PPIP5K2: variants seen among roughly 807,000 people sequenced by gnomAD.
PPIP5K2 encodes the protein inositol hexakisphosphate and diphosphoinositol-pentakisphosphate kinase 2.
PPIP5K2 carries 105 observed loss-of-function variants against 154.6 expected under a neutral mutation model. The ratio of observed to expected loss-of-function variants is 0.68; its 90% CI spans 0.58 to 0.80. PPIP5K2 has a LOEUF of 0.80. Ranked by LOEUF, PPIP5K2 falls within the 30% of genes least tolerant of loss-of-function variation. The pLI is 0.00. For synonymous variants in PPIP5K2, 480 were observed against 490.3 expected, an observed-to-expected ratio of 0.98 and a Z score of 0.28; for missense variants, 992 against 1,504.6, an observed-to-expected ratio of 0.66 and a Z score of 5.64.
chr5:103,177,051 G>A, intron 21 of PPIP5K2: 1 of 544,894 alleles, frequency 1.8e-6, no homozygotes, highest in Admixed American at 3.7e-5. Flanking sequence ...CCTGTTATAG[G>A]ATAGTATTCT....
chr5:103,149,323 T>C lies in PPIP5K2; in HGVS notation c.906+10T>C. On this transcript the variant is annotated intron_variant, in intron 8 of 30. Transcript: ENST00000358359. Reference sequence around the variant, plus strand: ...CTGCCTTGCTTTTAAGGTAAGATGTTATACAGGCCTATAGATCCTTATAAA... The same window carrying C: ...CTGCCTTGCTTTTAAGGTAAGATGTCATACAGGCCTATAGATCCTTATAAA... 1 of 1,609,922 alleles carries C rather than the reference T, an allele frequency of 6.2e-7. No individual in the cohort carries two copies. Among genetic ancestry groups the C allele is most frequent in the Non-Finnish European group, 8.5e-7 (1 of 1,177,626 alleles).
chr5:103,155,450 A>G (rs1795277192), intron 13 of PPIP5K2, among the ~76,000 whole-genome samples: 1 of 29,472 alleles, frequency 3.4e-5, no homozygotes, highest in African/African-American at 1.1e-4. Flanking sequence ...TTTTTGAGAC[A>G]GGGTCTTATT....
intron 13 of PPIP5K2, 104 bp downstream of exon 13, chr5:103,155,047 C>A: frequency 1.7e-6 from 1 of 591,874 alleles, no homozygotes; most frequent in East Asian, 3.3e-5. Context: ...GATCTTTTTA[C>A]TCTTTGTTAC....
At chr5:103,130,244 G>C (rs753850787) in intron 2 of PPIP5K2, among the ~76,000 whole-genome samples, 3 of 151,942 alleles carry the variant, frequency 2.0e-5, no homozygotes, top group Admixed American at 1.3e-4. Context: ...TTCTCTTTCT[G>C]ATATCATGTT....
chr5:103,196,163 T>G (rs561451115), intron 30 of PPIP5K2, among the ~76,000 whole-genome samples: 1 of 152,304 alleles, frequency 6.6e-6, no homozygotes, highest in East Asian at 1.9e-4. Context: ...CATTTTTTTC[T>G]ATTAAAATGT....
rs1165965536 is a variant in PPIP5K2 at position 103,204,946 on chromosome 5, G to T, written c.*3312G>T. 1 of 151,752 alleles carries T rather than the reference G, an allele frequency of 6.6e-6. No homozygotes were observed. Among genetic ancestry groups the T allele is most frequent in the Non-Finnish European group, 1.5e-5 (1 of 67,956 alleles). 9.4% of individuals were successfully genotyped at this position (151,752 alleles called of 1,614,324 possible). A position where few individuals can be genotyped will look rare whatever the true frequency, so the allele number is the denominator to read the frequency against. On this transcript the variant is annotated 3_prime_UTR_variant, in exon 31 of 31. Transcript: ENST00000358359. ...AGGTATACATGTGCCATGTTGGTTT[G>T]CTGCACCCATGAACTCATCATTTAC...
chr5:103,142,070 GC>G (rs1424445778), intron 5 of PPIP5K2, among the ~76,000 whole-genome samples: 13 of 152,210 alleles, frequency 8.5e-5, no homozygotes, highest in Non-Finnish European at 1.5e-5. Context: ...GGGACTGGGC[GC>G]CGTGGAGCAG....
chr5:103,154,864 A>C lies in PPIP5K2; in HGVS notation c.1324A>C (p.Met442Leu), dbSNP rs782615452. Reference sequence around the variant, plus strand: ...GCTAGATATTGCACGACAGCTTCTTATGGAGCTAGGGCAAAATAATGATTC... The same window carrying C: ...GCTAGATATTGCACGACAGCTTCTTCTGGAGCTAGGGCAAAATAATGATTC... Reference protein sequence around the residue: ...EVLDIARQLLMELGQNNDSEI... With the variant: ...EVLDIARQLLLELGQNNDSEI... The change falls in exon 13 of 31, where the codon ATG (methionine) becomes CTG (leucine). Residue 442 changes from methionine (M) to leucine (L), a missense_variant. Around this residue, in one of 9 missense-constraint regions of PPIP5K2, gnomAD observed 163 missense variants for 285.2 expected, o/e 0.57. Transcript: ENST00000358359. 6.2e-7 allele frequency: 1 copy of C among 1,601,962 alleles called. No individual in the cohort carries two copies. The highest frequency in any genetic ancestry group is 8.5e-7 in the Non-Finnish European group (1 of 1,175,562).
At chr5:103,131,933 A>AT (rs1790690287) in intron 2 of PPIP5K2, among the ~76,000 whole-genome samples, 1 of 152,202 alleles carries the variant, frequency 6.6e-6, no homozygotes, top group Admixed American at 6.5e-5. Flanking sequence ...CATTAAATAG[A>AT]TTTATAATAA....
chr5:103,146,079 CTT>C (rs1346202748), intron 5 of PPIP5K2, among the ~76,000 whole-genome samples: 1 of 151,910 alleles, frequency 6.6e-6, no homozygotes, highest in Non-Finnish European at 1.5e-5. Flanking sequence ...AAACAAGAAA[CTT>C]TTCTTGTCTA....
At chr5:103,154,805 A>C in intron 12 of PPIP5K2, 29 bp from the exon 13 acceptor site, 1 of 1,547,302 alleles carries the variant, frequency 6.5e-7, no homozygotes, top group Non-Finnish European at 8.7e-7. Flanking sequence ...TTACATAAAA[A>C]TTCAATTTTT....
At chr5:103,132,911 A>G (rs557817077) in intron 2 of PPIP5K2, among the ~76,000 whole-genome samples, 22 of 152,310 alleles carry the variant, frequency 1.4e-4, no homozygotes, top group African/African-American at 4.8e-4. Flanking sequence ...TTGACTATGA[A>G]GACAGGAGGG....
chr5:103,153,713 A>T (rs1794981845), intron 10 of PPIP5K2, 135 bp from the exon 11 acceptor site: 1 of 557,282 alleles, frequency 1.8e-6, no homozygotes, highest in Admixed American at 3.8e-5. Flanking sequence ...TGTTATAAGT[A>T]TTATTCTTCA....
At chr5:103,151,453 C>A in intron 9 of PPIP5K2, 79 bp downstream of exon 9, 1 of 1,223,428 alleles carries the variant, frequency 8.2e-7, no homozygotes, top group Non-Finnish European at 1.2e-6. Context: ...ATTAAATGAT[C>A]AGGGTTTTTA....
At chr5:103,125,573 C>T (rs906004629) in intron 1 of PPIP5K2, among the ~76,000 whole-genome samples, 3 of 151,836 alleles carry the variant, frequency 2.0e-5, no homozygotes, top group Non-Finnish European at 4.4e-5. Context: ...ATTCCTCTGT[C>T]CATCTTTTAT....
intron 7 of PPIP5K2, among the ~76,000 whole-genome samples, 170 bp from the exon 8 acceptor site, chr5:103,148,982 C>A (rs1794171761): frequency 6.6e-6 from 1 of 152,170 alleles, no homozygotes; most frequent in East Asian, 1.9e-4. Flanking sequence ...TACTTACAAC[C>A]TTTCCCAATG....
intron 7 of PPIP5K2, 114 bp from the exon 8 acceptor site, chr5:103,149,038 C>T: frequency 1.2e-6 from 1 of 859,578 alleles, no homozygotes; most frequent in Non-Finnish European, 1.7e-6. Flanking sequence ...GTCTACTAGC[C>T]TGGATTCTGA....
chr5:103,181,911 T>C (rs1799611274), intron 24 of PPIP5K2, among the ~76,000 whole-genome samples: 1 of 152,146 alleles, frequency 6.6e-6, no homozygotes, highest in Non-Finnish European at 1.5e-5. Context: ...GGAAATCATA[T>C]AGTCGTTAAG....
chr5:103,182,957 A>T (rs1443867312), intron 24 of PPIP5K2, among the ~76,000 whole-genome samples: 1 of 152,052 alleles, frequency 6.6e-6, no homozygotes, highest in Non-Finnish European at 1.5e-5. Flanking sequence ...CAGTATAAGT[A>T]TTTTATGTCT....
Sources: gnomAD v4.1 joint callset for allele counts (sites outside exome capture counted in the v4.1 genomes callset) on GRCh38, gnomAD v4.1.1 for gene constraint, gnomAD v4.1.1 regional missense constraint, MANE v1.5 for transcripts, NCBI Gene and HGNC (gene_info 2026-07-23, HGNC 2026-07-21) for gene names.